Variants in ARID4B observed in about 807,000 individuals in gnomAD.
The protein encoded by ARID4B is AT-rich interaction domain 4B.
In ARID4B, 26 loss-of-function variants were observed where a neutral mutation model predicts 147.5. That is an observed-to-expected ratio of 0.18 (90% CI 0.13 to 0.24). The LOEUF is 0.24. ARID4B is among the 10% of genes least tolerant of loss of function. The probability of loss-of-function intolerance (pLI) is 1.00; values close to 1 mark genes in which losing one functional copy is unlikely to be tolerated. For synonymous variants in ARID4B, 512 were observed against 507.9 expected, an observed-to-expected ratio of 1.01 and a Z score of -0.11; for missense variants, 1,179 against 1,511.5, an observed-to-expected ratio of 0.78 and a Z score of 3.65.
In ARID4B at chr1:235,238,497, TTTTG is replaced by T. The variant is rs142061970; in HGVS notation, c.585+1812_585+1815del. On this transcript the variant is annotated intron_variant, in intron 8 of 23. Coordinates refer to ENST00000264183, the MANE Select transcript of ARID4B (RefSeq NM_016374.6). ...GTGAGAATAGTACTTTCAAAGTGTC[TTTTG>T]TTTATCAGCGGATCTTCAGTTTATA... is the stretch of plus-strand genomic sequence containing the variant. 8.9e-3 allele frequency among the ~76,000 whole-genome samples: 1,351 copies of T among 152,304 alleles called. 20 individuals carry two copies. Among genetic ancestry groups the T allele is most frequent in the African/African-American group, 0.031 (1,303 of 41,532 alleles).
At chr1:235,275,389 A>G (rs16832527) in intron 2 of ARID4B, among the ~76,000 whole-genome samples, 4,496 of 152,318 alleles carry the variant, frequency 0.03, 219 homozygotes, top group African/African-American at 0.1. Context: ...ATTTTCTGGC[A>G]TGCACAGGGA....
chr1:235,211,339 A>AG (rs1467305913), intron 17 of ARID4B, among the ~76,000 whole-genome samples: 1 of 151,724 alleles, frequency 6.6e-6, no homozygotes, highest in Non-Finnish European at 1.5e-5. Context: ...GGAAGGAAGG[A>AG]GGGAAGGAGG....
At chr1:235,194,482 T>C (rs1427492579) in intron 18 of ARID4B, among the ~76,000 whole-genome samples, 1 of 152,116 alleles carries the variant, frequency 6.6e-6, no homozygotes, top group Non-Finnish European at 1.5e-5. Context: ...AACCTACAAC[T>C]TGCTCTTCAG....
At chr1:235,314,573 A>G (rs1398924411) in intron 2 of ARID4B, among the ~76,000 whole-genome samples, 1 of 152,212 alleles carries the variant, frequency 6.6e-6, no homozygotes, top group Non-Finnish European at 1.5e-5. Context: ...CAGTTTTCAC[A>G]GTCATATTCA....
At chr1:235,301,038 C>CTTTT (rs780839339) in intron 2 of ARID4B, among the ~76,000 whole-genome samples, 1,348 of 112,116 alleles carry the variant, frequency 0.012, 80 homozygotes, top group African/African-American at 0.047. Flanking sequence ...TTTAAGTATT[C>CTTTT]TTTTTTTTTT....
intron 23 of ARID4B, among the ~76,000 whole-genome samples, chr1:235,169,893 C>T (rs1294719416): frequency 6.6e-6 from 1 of 152,164 alleles, no homozygotes; most frequent in Non-Finnish European, 1.5e-5. Context: ...AACTCCTGAC[C>T]TCAGGTGATC....
intron 10 of ARID4B, among the ~76,000 whole-genome samples, 168 bp downstream of exon 10, chr1:235,230,945 T>C (rs1047974279): frequency 2.6e-5 from 4 of 151,120 alleles, no homozygotes; most frequent in African/African-American, 9.7e-5. Context: ...AGGAAACTTA[T>C]AACACAGAAG....
At chr1:235,301,035 A>ATTTTT (rs1673093653) in intron 2 of ARID4B, among the ~76,000 whole-genome samples, 3 of 102,844 alleles carry the variant, frequency 2.9e-5, no homozygotes, top group African/African-American at 1.3e-4. Context: ...TTTTTTAAGT[A>ATTTTT]TTCTTTTTTT....
chr1:235,267,908 A>G (rs1048206967), intron 2 of ARID4B, among the ~76,000 whole-genome samples: 1 of 151,928 alleles, frequency 6.6e-6, no homozygotes, highest in Non-Finnish European at 1.5e-5. Flanking sequence ...CTCAAAAAAA[A>G]AAAGAAAAGA....
chr1:235,209,424 T>C (rs1482782800), intron 17 of ARID4B, among the ~76,000 whole-genome samples: 1 of 152,078 alleles, frequency 6.6e-6, no homozygotes, highest in Non-Finnish European at 1.5e-5. Context: ...TGAGATGATA[T>C]CACGGCGCTG....
At chr1:235,283,911 T>TA (rs111662010) in intron 2 of ARID4B, among the ~76,000 whole-genome samples, 30 of 152,098 alleles carry the variant, frequency 2.0e-4, no homozygotes, top group African/African-American at 6.5e-4. Context: ...ATTTTTTTTT[T>TA]ATTTTAGTAG....
chr1:235,269,651 CAT>C (rs1043916609), intron 2 of ARID4B, among the ~76,000 whole-genome samples: 1 of 151,942 alleles, frequency 6.6e-6, no homozygotes, highest in Non-Finnish European at 1.5e-5. Flanking sequence ...TATATACACA[CAT>C]ATATATACAC....
At chr1:235,183,461 G>A (rs1293555668) in intron 19 of ARID4B, among the ~76,000 whole-genome samples, 2 of 152,110 alleles carry the variant, frequency 1.3e-5, no homozygotes, top group Admixed American at 6.5e-5. Context: ...GCCCTCCTCG[G>A]CCTCCCAAAG....
chr1:235,314,822 T>C (rs1332623817), intron 2 of ARID4B, among the ~76,000 whole-genome samples: 1 of 152,152 alleles, frequency 6.6e-6, no homozygotes, highest in East Asian at 1.9e-4. Flanking sequence ...ATACATTATT[T>C]TGGCTATCAA....
chr1:235,200,364 CAGG>C (rs956197698), intron 17 of ARID4B, among the ~76,000 whole-genome samples: 7 of 152,084 alleles, frequency 4.6e-5, no homozygotes, highest in African/African-American at 1.7e-4. Flanking sequence ...GATGCTGAGG[CAGG>C]AGAAGAGCTT....
chr1:235,194,687 C>T (rs772841625), intron 18 of ARID4B, among the ~76,000 whole-genome samples: 3 of 151,940 alleles, frequency 2.0e-5, no homozygotes, highest in East Asian at 1.9e-4. Context: ...GGGGTGGTGG[C>T]GCATGCCTGT....
At chr1:235,260,914 T>A (rs1476872300) in intron 2 of ARID4B, among the ~76,000 whole-genome samples, 162 bp from the exon 3 acceptor site, 1 of 152,104 alleles carries the variant, frequency 6.6e-6, no homozygotes, top group Non-Finnish European at 1.5e-5. Flanking sequence ...AAAAAACAAG[T>A]AAAATGTTTA....
intron 23 of ARID4B, among the ~76,000 whole-genome samples, chr1:235,170,928 A>C (rs189859104): frequency 6.7e-6 from 1 of 148,904 alleles, no homozygotes; most frequent in East Asian, 1.9e-4. Flanking sequence ...AAAAAAAAAA[A>C]AAAAAACCAC....
intron 23 of ARID4B, among the ~76,000 whole-genome samples, chr1:235,171,721 C>T (rs1241531179): frequency 6.6e-6 from 1 of 151,956 alleles, no homozygotes; most frequent in Non-Finnish European, 1.5e-5. Flanking sequence ...TTCACTGCAA[C>T]ATCTGCCTCC....
Sources: allele counts gnomAD v4.1 joint callset (sites outside exome capture counted in the v4.1 genomes callset), GRCh38; gene constraint gnomAD v4.1.1; transcripts MANE v1.5; gene names NCBI Gene and HGNC (gene_info 2026-07-23, HGNC 2026-07-21).